Variants in USP9X observed in about 807,000 individuals in gnomAD.
USP9X encodes the protein ubiquitin carboxyl-terminal hydrolase 9X.
In USP9X, 7 loss-of-function variants were observed where a neutral mutation model predicts 190.3. The ratio of observed to expected loss-of-function variants is 0.04; its 90% CI spans 0.02 to 0.07. The LOEUF is 0.07. Ranked by LOEUF, USP9X falls within the 10% of genes least tolerant of loss-of-function variation. The probability of loss-of-function intolerance (pLI) is 1.00; values close to 1 mark genes in which losing one functional copy is unlikely to be tolerated. For synonymous variants in USP9X, 645 were observed against 659.5 expected, an observed-to-expected ratio of 0.98 and a Z score of 0.34; for missense variants, 1,010 against 1,916.9, an observed-to-expected ratio of 0.53 and a Z score of 8.83.
chrX:41,154,198 A>G (rs1327624365), intron 14 of USP9X, among the ~76,000 whole-genome samples: 1 of 111,709 alleles, frequency 9.0e-6, no homozygotes, highest in East Asian at 2.8e-4. Context: ...CTGATGAGGA[A>G]CAGACAGTGA....
At position 41,148,569 on chromosome X, in the gene USP9X, C is replaced by T; in HGVS notation, c.1620C>T (p.Cys540=). The T allele has an allele frequency of 8.3e-7, 1 of 1,210,680 alleles. No homozygotes were observed. The change falls in exon 12 of 45, where the codon TGC becomes TGT. Residue 540 remains cysteine, a synonymous_variant. Coordinates refer to ENST00000378308, the MANE Select transcript of USP9X (RefSeq NM_001039591.3). ...SAHIKILDYS[C]SQDRDTQKIQ... ...ACATAAAAATACTAGATTACAGTTG[C>T]TCCCAGGTAAGAGTGTACTGCTTTG... is the stretch of plus-strand genomic sequence containing the variant.
intron 13 of USP9X, 151 bp from the exon 14 acceptor site, chrX:41,152,793 AGTTG>A (rs1273764842): frequency 1.7e-5 from 4 of 236,351 alleles, no homozygotes; most frequent in Non-Finnish European, 2.4e-5. Flanking sequence ...GAAGAGTTTA[AGTTG>A]GTTGTGATAT....
chrX:41,143,903 C>T (rs1283754323), intron 10 of USP9X, among the ~76,000 whole-genome samples: 1 of 111,670 alleles, frequency 9.0e-6, no homozygotes, highest in Non-Finnish European at 1.9e-5. Flanking sequence ...ACAACTCCTT[C>T]TATTATCTTA....
intron 21 of USP9X, among the ~76,000 whole-genome samples, chrX:41,177,167 A>T (rs1382198591): frequency 8.9e-6 from 1 of 112,139 alleles, no homozygotes; most frequent in Non-Finnish European, 1.9e-5. Flanking sequence ...TTCAAAATAA[A>T]AAAAATTTAG....
intron 26 of USP9X, 135 bp downstream of exon 26, chrX:41,189,610 T>C: frequency 1.8e-6 from 1 of 540,841 alleles, no homozygotes; most frequent in Admixed American, 4.4e-5. Flanking sequence ...AATTTTATTA[T>C]TTAAGAGTGT....
Position 41,232,427 on chromosome X carries a change from C to T in USP9X, c.7568C>T (p.Ala2523Val). 1 of 1,211,088 alleles carries T rather than the reference C, an allele frequency of 8.3e-7. No individual in the cohort carries two copies. The highest frequency in any genetic ancestry group is 1.1e-6 in the Non-Finnish European group (1 of 895,240). ...GGACAGCCATATACAGGCCCAGCAG[C>T]ACATCACATGAACAACCCTCAGAGA... ...VHGQPYTGPA[A>V]HHMNNPQRTG... Residue 2523 changes from alanine to valine, a missense_variant, in exon 45 of 45, where the codon GCA becomes GTA. This residue lies in a region of USP9X where 48 missense variants were observed against 60.4 expected (regional missense o/e 0.79). Transcript: ENST00000378308.
chrX:41,207,898 C>G (rs1407832229), intron 32 of USP9X, among the ~76,000 whole-genome samples: 1 of 110,486 alleles, frequency 9.1e-6, no homozygotes, highest in Non-Finnish European at 1.9e-5. Flanking sequence ...CCCAGCATAC[C>G]ATTCTCCCTC....
intron 33 of USP9X, among the ~76,000 whole-genome samples, chrX:41,213,914 A>T (rs911071616): frequency 9.8e-5 from 11 of 112,076 alleles, no homozygotes; most frequent in African/African-American, 3.6e-4. Flanking sequence ...CATAGAAAGC[A>T]CTCTCAGTCT....
At chrX:41,118,975 A>C (rs1179377010) in intron 1 of USP9X, among the ~76,000 whole-genome samples, 1 of 111,766 alleles carries the variant, frequency 8.9e-6, no homozygotes, top group African/African-American at 3.3e-5. Flanking sequence ...AATGATGAGA[A>C]GAGGGCAAAC....
At chrX:41,096,492 G>A (rs968119517) in intron 1 of USP9X, among the ~76,000 whole-genome samples, 1 of 111,837 alleles carries the variant, frequency 8.9e-6, no homozygotes, top group East Asian at 2.8e-4. Context: ...GCCCAGGCTG[G>A]AGTGTAGTGG....
chrX:41,235,880 CT>C lies in USP9X; in HGVS notation c.*3358del, dbSNP rs763934384. 3 of 111,932 alleles carry C rather than the reference CT, an allele frequency of 2.7e-5. No individual in the cohort carries two copies. Among genetic ancestry groups the C allele is most frequent in the African/African-American group, 9.7e-5 (3 of 30,857 alleles). The allele number at this position is 111,932 out of a possible 1,213,427, so 9.2% of individuals were successfully genotyped here. A position where few individuals can be genotyped will look rare whatever the true frequency, so the allele number is the denominator to read the frequency against. ...TAGAAAGATGAGGAGACTTTTTTGACTTACATTTGTAAATGAAAACAAGTCT... is the reference window on the plus strand; with the variant it reads ...TAGAAAGATGAGGAGACTTTTTTGACTACATTTGTAAATGAAAACAAGTCT... On this transcript the variant is annotated 3_prime_UTR_variant, in exon 45 of 45. Transcript: ENST00000378308.
intron 1 of USP9X, among the ~76,000 whole-genome samples, chrX:41,115,242 GA>G (rs56830972): frequency 0.21 from 15,625 of 75,214 alleles, 1,216 homozygotes; most frequent in East Asian, 0.5. Flanking sequence ...AAAAGAAAAA[GA>G]AAAAAAAAAA....
intron 13 of USP9X, 22 bp downstream of exon 13, chrX:41,151,079 A>C: frequency 1.7e-6 from 2 of 1,176,010 alleles, no homozygotes; most frequent in Non-Finnish European, 2.3e-6. Context: ...TAACATAGAA[A>C]ATTTCAATAC....
Position 41,085,554 on chromosome X carries a change from T to C in USP9X, c.-714T>C. The C allele has an allele frequency of 4.4e-6, 1 of 227,350 alleles. No homozygotes were observed. The highest frequency in any genetic ancestry group is 7.9e-6 in the Non-Finnish European group (1 of 126,097). 18.7% of individuals were successfully genotyped at this position (227,350 alleles called of 1,213,427 possible). ...CCGCACCCGGCCCCGTCAGGGCCTC[T>C]GTCGCGCCTAGCCCCTCCCCGCCTT... On this transcript the variant is annotated 5_prime_UTR_variant, in exon 1 of 45. Coordinates refer to ENST00000378308, the MANE Select transcript of USP9X (RefSeq NM_001039591.3).
At chrX:41,088,553 CAG>C (rs1261801626) in intron 1 of USP9X, among the ~76,000 whole-genome samples, 2 of 112,133 alleles carry the variant, frequency 1.8e-5, no homozygotes, top group African/African-American at 6.5e-5. Flanking sequence ...TTGTTTAAAA[CAG>C]ATGTTAAGAA....
At chrX:41,118,256 A>G (rs1261940214) in intron 1 of USP9X, among the ~76,000 whole-genome samples, 5 of 110,762 alleles carry the variant, frequency 4.5e-5, no homozygotes, top group African/African-American at 1.6e-4. Flanking sequence ...CTTCTTTCCA[A>G]ACTGAAGCGC....
Position 41,085,963 on chromosome X carries a change from C to G in USP9X, c.-305C>G. ...CGCCCGCAGCCCCGAGCCCGGCCGC[C>G]GCAGCCTTTCGATACACTTTGTTGC... On this transcript the variant is annotated 5_prime_UTR_variant, in exon 1 of 45. Transcript: ENST00000378308. 1 of 297,885 alleles carries G rather than the reference C, an allele frequency of 3.4e-6. No individual in the cohort carries two copies. The highest frequency in any genetic ancestry group is 5.9e-6 in the Non-Finnish European group (1 of 170,450). The allele number at this position is 297,885 out of a possible 1,213,427, so 24.5% of individuals were successfully genotyped here. A position where few individuals can be genotyped will look rare whatever the true frequency, so the allele number is the denominator to read the frequency against.
intron 5 of USP9X, among the ~76,000 whole-genome samples, chrX:41,135,634 T>C (rs775012182): frequency 8.9e-6 from 1 of 111,756 alleles, no homozygotes; most frequent in East Asian, 2.8e-4. Context: ...TTTTGTTTTT[T>C]GTGTGTCCCC....
At chrX:41,144,431 GTACTTTATTAA>G in intron 10 of USP9X, 80 bp from the exon 11 acceptor site, 2 of 708,244 alleles carry the variant, frequency 2.8e-6, no homozygotes, top group Non-Finnish European at 4.5e-6. Context: ...GGAGATAGGA[GTACTTTATTAA>G]TTGTCAGCAA....
Sources: gnomAD v4.1 joint callset for allele counts (sites outside exome capture counted in the v4.1 genomes callset) on GRCh38, gnomAD v4.1.1 for gene constraint, gnomAD v4.1.1 regional missense constraint, MANE v1.5 for transcripts, NCBI Gene and HGNC (gene_info 2026-07-23, HGNC 2026-07-21) for gene names.